Variants in TNFAIP8 observed in about 807,000 individuals in gnomAD.
The protein encoded by TNFAIP8 is tumor necrosis factor alpha-induced protein 8.
A neutral mutation model predicts 13.3 loss-of-function variants in TNFAIP8; 7 were observed. That is an observed-to-expected ratio of 0.52 (90% confidence interval 0.30 to 0.99). TNFAIP8 has a LOEUF of 0.99. TNFAIP8 is among the 50% of genes least tolerant of loss of function. TNFAIP8 has a pLI of 0.07. For synonymous variants in TNFAIP8, 94 were observed against 87.6 expected (o/e 1.07, Z -0.41); for missense variants, 258 against 236.9 (o/e 1.09, Z -0.58).
At chr5:119,385,582 A>T (rs1404511285) in intron 1 of TNFAIP8, among the ~76,000 whole-genome samples, 9 of 152,180 alleles carry the variant, frequency 5.9e-5, no homozygotes, top group Admixed American at 3.3e-4. Flanking sequence ...TCTATTGCTA[A>T]CAAGAAAGTA....
chr5:119,287,272 G>A (rs1477142800), intron 1 of TNFAIP8, among the ~76,000 whole-genome samples: 6 of 128,146 alleles, frequency 4.7e-5, no homozygotes, highest in Non-Finnish European at 3.2e-5. Context: ...CCAGGGGACA[G>A]TAACCAAGTT....
intron 1 of TNFAIP8, among the ~76,000 whole-genome samples, chr5:119,390,897 C>T (rs1324145866): frequency 6.6e-6 from 1 of 152,114 alleles, no homozygotes; most frequent in African/African-American, 2.4e-5. Context: ...CTGCTCACTG[C>T]AGCCTCAACT....
chr5:119,308,751 A>T (rs1432948217), intron 1 of TNFAIP8, among the ~76,000 whole-genome samples: 5 of 150,902 alleles, frequency 3.3e-5, no homozygotes. Context: ...AATCCCAGCT[A>T]CTCGGGAGGC....
intron 1 of TNFAIP8, among the ~76,000 whole-genome samples, chr5:119,310,155 G>T (rs1749685709): frequency 6.6e-6 from 1 of 152,176 alleles, no homozygotes; most frequent in Admixed American, 6.6e-5. Flanking sequence ...GAGGCTAATT[G>T]TATCTGTCAG....
intron 1 of TNFAIP8, chr5:119,306,532 G>C (rs1256664021): frequency 6.6e-6 from 1 of 152,026 alleles, no homozygotes; most frequent in Non-Finnish European, 1.5e-5. Flanking sequence ...TAGTGTGGAC[G>C]CCTGATCGTC....
chr5:119,354,618 T>C (rs1751311734), upstream of TNFAIP8: 1 of 152,228 alleles, frequency 6.6e-6, no homozygotes, highest in African/African-American at 2.4e-5. Flanking sequence ...TCAAATCCCT[T>C]TGTGCTTATA....
intron 1 of TNFAIP8, among the ~76,000 whole-genome samples, chr5:119,329,188 G>A (rs181106467): frequency 1.3e-4 from 20 of 152,276 alleles, no homozygotes; most frequent in African/African-American, 4.8e-4. Flanking sequence ...GAGGTTAGAT[G>A]GTATCAGCGG....
At chr5:119,312,356 G>A (rs1362011480) in intron 1 of TNFAIP8, among the ~76,000 whole-genome samples, 1 of 152,100 alleles carries the variant, frequency 6.6e-6, no homozygotes, top group East Asian at 1.9e-4. Flanking sequence ...ATATCACGAG[G>A]ATGAAAATAA....
chr5:119,377,253 A>T (rs1171905259), intron 1 of TNFAIP8, among the ~76,000 whole-genome samples: 2 of 152,100 alleles, frequency 1.3e-5, no homozygotes, highest in African/African-American at 2.4e-5. Context: ...AAATGCAAAG[A>T]TTAACCAAGC....
At chr5:119,358,512 A>G (rs1486457691) in intron 1 of TNFAIP8, among the ~76,000 whole-genome samples, 1 of 152,228 alleles carries the variant, frequency 6.6e-6, no homozygotes, top group Non-Finnish European at 1.5e-5. Context: ...GAGAAAAATA[A>G]TCCAGGCCTT....
At chr5:119,333,873 G>A (rs1010108168) in intron 1 of TNFAIP8, among the ~76,000 whole-genome samples, 6 of 152,140 alleles carry the variant, frequency 3.9e-5, no homozygotes, top group Non-Finnish European at 2.9e-5. Flanking sequence ...GACATTTAAA[G>A]TTTGCATGTA....
chr5:119,351,145 C>T (rs1463973558), upstream of TNFAIP8, among the ~76,000 whole-genome samples: 2 of 151,710 alleles, frequency 1.3e-5, no homozygotes, highest in Non-Finnish European at 2.9e-5. Context: ...GCCTCAGTCT[C>T]CCAAGTGGCT....
In TNFAIP8 at chr5:119,388,084, G is replaced by A. The variant is rs76831049; in HGVS notation, c.32-4732G>A. Among the ~76,000 whole-genome samples the A allele has an allele frequency of 2.0e-5, 3 of 152,306 alleles. No individual in the cohort carries two copies. The East Asian group carries it at 5.8e-4, about 29-fold the overall frequency. On this transcript the variant is annotated intron_variant, in intron 1 of 1. Coordinates refer to ENST00000504771, the MANE Select transcript of TNFAIP8 (RefSeq NM_014350.4). The stretch of plus-strand genomic sequence containing the variant: ...TGGCACATGTCTAAACATAGATCCA[G>A]CCAGAAGTAGAGGTGGGCCTGTGTT...
rs1752949731 is a variant in TNFAIP8, at chr5:119,392,885, T to C, written c.101T>C (p.Val34Ala). Residue 34 changes from valine (V) to alanine (A), a missense_variant, in exon 2 of 2, where the codon GTG becomes GCG. Val to Ala is a moderately conservative substitution (Grantham distance 64). Transcript: ENST00000504771. ...QAQKKILGKM[V>A]SKSIATTLID... ...CAAAAGAAGATCTTGGGTAAAATGG[T>C]GTCCAAATCCATCGCCACCACCTTA... 2 of 1,579,640 alleles carry C rather than the reference T, an allele frequency of 1.3e-6. No individual in the cohort carries two copies. Among genetic ancestry groups the C allele is most frequent in the Non-Finnish European group, 1.7e-6 (2 of 1,163,002 alleles).
At chr5:119,294,399 G>C (rs1187826686) in intron 1 of TNFAIP8, among the ~76,000 whole-genome samples, 1 of 152,086 alleles carries the variant, frequency 6.6e-6, no homozygotes, top group Non-Finnish European at 1.5e-5. Flanking sequence ...TGGCTGCATA[G>C]TATTCCCTGG....
chr5:119,309,323 T>C (rs557118673), intron 1 of TNFAIP8, among the ~76,000 whole-genome samples: 22 of 152,326 alleles, frequency 1.4e-4, no homozygotes, highest in African/African-American at 5.3e-4. Context: ...TTCAGCAGCA[T>C]TTTTAGTTTT....
At chr5:119,356,256 A>G (rs1478605478) in intron 1 of TNFAIP8, 135 bp downstream of exon 1, 1 of 748,766 alleles carries the variant, frequency 1.3e-6, no homozygotes, top group East Asian at 3.4e-5. Flanking sequence ...TTCGAAGCCA[A>G]GTCGGAGCTG....
intron 1 of TNFAIP8, among the ~76,000 whole-genome samples, chr5:119,346,076 T>C (rs2112741856): frequency 6.6e-6 from 1 of 152,276 alleles, no homozygotes; most frequent in East Asian, 1.9e-4. Context: ...CAGACCTTGC[T>C]GGAGAGGTCA....
chr5:119,333,328 T>C, intron 1 of TNFAIP8: 1 of 1,254,592 alleles, frequency 8.0e-7, no homozygotes, highest in Non-Finnish European at 1.0e-6. Flanking sequence ...ACCTAATGCA[T>C]TCCACTACAA....
Sources: allele counts gnomAD v4.1 joint callset (sites outside exome capture counted in the v4.1 genomes callset), GRCh38; gene constraint gnomAD v4.1.1; transcripts MANE v1.5; gene names NCBI Gene and HGNC (gene_info 2026-07-23, HGNC 2026-07-21).